The following LCE5A variants were observed in gnomAD, a reference collection of about 807,000 sequenced individuals.
LCE5A encodes late cornified envelope 5A, also known as late cornified envelope protein 5A.
For synonymous variants in LCE5A, 51 were observed against 54.2 expected (o/e 0.94, Z 0.26); for missense variants, 139 against 147.2 (o/e 0.94, Z 0.29).
Position 152,512,150 on chromosome 1 carries a change from CT to C in LCE5A, c.*260del. The C allele has an allele frequency of 2.0e-6, 1 of 496,878 alleles. No homozygotes were observed. Among genetic ancestry groups the C allele is most frequent in the Admixed American group, 3.8e-5 (1 of 26,656 alleles). The allele number at this position is 496,878 out of a possible 1,614,324, so 30.8% of individuals were successfully genotyped here. On this transcript the variant is annotated 3_prime_UTR_variant, in exon 2 of 2. Coordinates refer to ENST00000334269, the MANE Select transcript of LCE5A (RefSeq NM_178438.5). The stretch of plus-strand genomic sequence containing the variant: ...TAATTCAGTTATGAAGCTATTTTCT[CT>C]GTAACAATAAAGCTTTTTATTCCTG...
Position 152,511,595 on chromosome 1 carries a change from C to A in LCE5A, c.61C>A (p.Pro21Thr). Residue 21 changes from proline (P) to threonine (T), a missense_variant, in exon 2 of 2, where the codon CCT becomes ACT. Coordinates refer to ENST00000334269, the MANE Select transcript of LCE5A (RefSeq NM_178438.5). ...TCCTCCCAAATGTACCCCTAAATGC[C>A]CTCCCAAGTGTACTCCTAAGTGTCC... ...QPPPKCTPKC[P>T]PKCTPKCPPK... The A allele has an allele frequency of 1.2e-6, 2 of 1,614,096 alleles. No individual in the cohort carries two copies. Among genetic ancestry groups the A allele is most frequent in the Non-Finnish European group, 1.7e-6 (2 of 1,180,022 alleles).
Position 152,511,754 on chromosome 1 carries a change from C to A in LCE5A, c.220C>A (p.Pro74Thr). ...GGGCCLSHHR[P>T]RQSLRRRPQS... ...TGGCTGCTGCCTGAGCCACCACAGG[C>A]CCCGCCAGTCCCTCCGACGCCGACC... Residue 74 changes from proline to threonine, a missense_variant, in exon 2 of 2, where the codon CCC (proline) becomes ACC (threonine). By Grantham distance (38) the Pro-to-Thr change is conservative. Transcript: ENST00000334269. 6.2e-7 allele frequency: 1 copy of A among 1,613,850 alleles called. No homozygotes were observed.
Position 152,511,715 on chromosome 1 carries a change from A to G in LCE5A, c.181A>G (p.Ser61Gly). Reference protein sequence around the residue: ...CCGSSSGGCCSSEGGGCCLSH... With the variant: ...CCGSSSGGCCGSEGGGCCLSH... Reference sequence around the variant, plus strand: ...TGGTTCCAGCTCTGGGGGCTGCTGCAGCTCTGAGGGTGGTGGCTGCTGCCT... The same window carrying G: ...TGGTTCCAGCTCTGGGGGCTGCTGCGGCTCTGAGGGTGGTGGCTGCTGCCT... Residue 61 changes from serine (S) to glycine (G), a missense_variant, in exon 2 of 2, where the codon AGC becomes GGC. Coordinates refer to ENST00000334269, the MANE Select transcript of LCE5A (RefSeq NM_178438.5). 1 of 1,613,748 alleles carries G rather than the reference A, an allele frequency of 6.2e-7. No homozygotes were observed. The highest frequency in any genetic ancestry group is 8.5e-7 in the Non-Finnish European group (1 of 1,179,930).
Position 152,512,011 on chromosome 1 carries a change from T to C in LCE5A, c.*120T>C. ...GGAAGGACTTCGGAAATGCCTTAAG[T>C]TCCCCTCTTTATCCTGCCCATGTTC... On this transcript the variant is annotated 3_prime_UTR_variant, in exon 2 of 2. Coordinates refer to ENST00000334269, the MANE Select transcript of LCE5A (RefSeq NM_178438.5). 1.2e-6 allele frequency: 1 copy of C among 857,110 alleles called. No homozygotes were observed. Among genetic ancestry groups the C allele is most frequent in the East Asian group, 2.7e-5 (1 of 37,606 alleles). 53.1% of individuals were successfully genotyped at this position (857,110 alleles called of 1,614,324 possible). A position where few individuals can be genotyped will look rare whatever the true frequency, so the allele number is the denominator to read the frequency against.
rs749275011 is a variant in LCE5A at position 152,511,923 on chromosome 1, C to T, written c.*32C>T. The T allele has an allele frequency of 2.6e-6, 4 of 1,561,608 alleles. No individual in the cohort carries two copies. In the South Asian group the frequency reaches 4.7e-5, roughly 18 times the overall value. On this transcript the variant is annotated 3_prime_UTR_variant, in exon 2 of 2. Transcript: ENST00000334269. ...CCATGAGGAGCACGGAGGAGAAGGA[C>T]TGGCAGATCCCAGGTGCTGAAGATG... is the stretch of plus-strand genomic sequence containing the variant.
At position 152,511,287 on chromosome 1, in the gene LCE5A, G is replaced by A. The variant is rs1336570190; in HGVS notation, c.-21-227G>A. ...ACAAAAATTAGCTGGGTGTGGTGGT[G>A]CACACCTGTCTGAGGCAGGAGAATC... On this transcript the variant is annotated intron_variant, in intron 1 of 1. Transcript: ENST00000334269. 2.6e-5 allele frequency among the ~76,000 whole-genome samples: 4 copies of A among 152,072 alleles called. No individual in the cohort carries two copies. The East Asian group carries it at 7.8e-4, about 30-fold the overall frequency.
At chr1:152,511,398 AAAT>A (rs1217687725) in intron 1 of LCE5A, 113 bp from the exon 2 acceptor site, 24 of 739,870 alleles carry the variant, frequency 3.2e-5, no homozygotes, top group East Asian at 5.4e-5. Context: ...ACTCCATCCC[AAAT>A]AATAATAATA....
Position 152,511,547 on chromosome 1 carries a change from C to G in LCE5A, c.13C>G (p.Gln5Glu). 6.2e-7 allele frequency: 1 copy of G among 1,614,076 alleles called. No homozygotes were observed. Among genetic ancestry groups the G allele is most frequent in the Non-Finnish European group, 8.5e-7 (1 of 1,179,942 alleles). ...AGCTTCTACAGAGATGTCCTGCCAG[C>G]AGAGCCAGCAGCAGTGCCAGCCTCC... MSCQ[Q>E]SQQQCQPPPK... Residue 5 changes from glutamine to glutamate, a missense_variant, in exon 2 of 2, where the codon CAG becomes GAG. By Grantham distance (29) the Gln-to-Glu change is conservative. Coordinates refer to ENST00000334269, the MANE Select transcript of LCE5A (RefSeq NM_178438.5).
intron 1 of LCE5A, among the ~76,000 whole-genome samples, 195 bp downstream of exon 1, chr1:152,511,193 G>A (rs533024711): frequency 1.2e-4 from 19 of 152,254 alleles, no homozygotes; most frequent in African/African-American, 4.3e-4. Context: ...GGGAGGCTGA[G>A]GTGGGCGGGT....
At position 152,512,008 on chromosome 1, in the gene LCE5A, A is replaced by C. The variant is rs554435162; in HGVS notation, c.*117A>C. ...CATGGAAGGACTTCGGAAATGCCTT[A>C]AGTTCCCCTCTTTATCCTGCCCATG... On this transcript the variant is annotated 3_prime_UTR_variant, in exon 2 of 2. Coordinates refer to ENST00000334269, the MANE Select transcript of LCE5A (RefSeq NM_178438.5). 27 of 907,256 alleles carry C rather than the reference A, an allele frequency of 3.0e-5. No homozygotes were observed. The highest frequency in any genetic ancestry group is 4.0e-5 in the Non-Finnish European group (24 of 602,266). The allele number at this position is 907,256 out of a possible 1,614,324, so 56.2% of individuals were successfully genotyped here.
In LCE5A at chr1:152,511,889, T is replaced by C; in HGVS notation, c.355T>C (p.Ter119ArgextTer4). The part of the protein sequence containing the change: ...GCCHSSGGCC[*>R] ...CTGCCACAGCTCTGGAGGCTGCTGC[T>C]GACCTGGGCCATGAGGAGCACGGAG... Residue 119 changes from the stop codon to arginine, a stop_lost, in exon 2 of 2, where the codon TGA becomes CGA. Transcript: ENST00000334269. 6.2e-7 allele frequency: 1 copy of C among 1,609,846 alleles called. No homozygotes were observed.
rs1286342293 is a variant in LCE5A, at chr1:152,511,924, T to G, written c.*33T>G. 6.4e-7 allele frequency: 1 copy of G among 1,562,340 alleles called. No individual in the cohort carries two copies. ...CATGAGGAGCACGGAGGAGAAGGAC[T>G]GGCAGATCCCAGGTGCTGAAGATGT... On this transcript the variant is annotated 3_prime_UTR_variant, in exon 2 of 2. Transcript: ENST00000334269.
rs191691629 is a variant in LCE5A at position 152,512,114 on chromosome 1, A to C, written c.*223A>C. ...CCTCTCAGACATAGCTCTTTGGAGA[A>C]CTAGGTGTTGTAATTCAGTTATGAA... On this transcript the variant is annotated 3_prime_UTR_variant, in exon 2 of 2. Coordinates refer to ENST00000334269, the MANE Select transcript of LCE5A (RefSeq NM_178438.5). The C allele has an allele frequency of 8.9e-4, 492 of 555,612 alleles. 9 individuals are homozygous for C. The East Asian group carries it at 9.6e-3, about 11-fold the overall frequency. 34.4% of individuals were successfully genotyped at this position (555,612 alleles called of 1,614,324 possible).
Position 152,511,880 on chromosome 1 carries a change from G to A in LCE5A, c.346G>A (p.Gly116Ser), listed in dbSNP as rs757813732. 6.2e-7 allele frequency: 1 copy of A among 1,611,768 alleles called. No individual in the cohort carries two copies. Among genetic ancestry groups the A allele is most frequent in the African/African-American group, 1.3e-5 (1 of 75,012 alleles). Residue 116 changes from glycine (G) to serine (S), a missense_variant, in exon 2 of 2, where the codon GGC becomes AGC. Physicochemically the swap from Gly to Ser is moderately conservative, Grantham distance 56 (BLOSUM62 0). Transcript: ENST00000334269. ...GGSGCCHSSG[G>S]CC ...CTCTGGCTGCTGCCACAGCTCTGGA[G>A]GCTGCTGCTGACCTGGGCCATGAGG...
chr1:152,512,035 T>A lies in LCE5A; in HGVS notation c.*144T>A. On this transcript the variant is annotated 3_prime_UTR_variant, in exon 2 of 2. Coordinates refer to ENST00000334269, the MANE Select transcript of LCE5A (RefSeq NM_178438.5). ...GTTCCCCTCTTTATCCTGCCCATGT[T>A]CACTCCATTGTAGGGTTGAAGTCTA... 1 of 723,962 alleles carries A rather than the reference T, an allele frequency of 1.4e-6. No homozygotes were observed. Among genetic ancestry groups the A allele is most frequent in the Non-Finnish European group, 2.3e-6 (1 of 437,364 alleles). 44.8% of individuals were successfully genotyped at this position (723,962 alleles called of 1,614,324 possible).
chr1:152,511,905 G>C lies in LCE5A; in HGVS notation c.*14G>C. 6.3e-7 allele frequency: 1 copy of C among 1,592,104 alleles called. No homozygotes were observed. Among genetic ancestry groups the C allele is most frequent in the South Asian group, 1.1e-5 (1 of 88,686 alleles). On this transcript the variant is annotated 3_prime_UTR_variant, in exon 2 of 2. Coordinates refer to ENST00000334269, the MANE Select transcript of LCE5A (RefSeq NM_178438.5). The stretch of plus-strand genomic sequence containing the variant: ...GGCTGCTGCTGACCTGGGCCATGAG[G>C]AGCACGGAGGAGAAGGACTGGCAGA...
chr1:152,511,864 C>A lies in LCE5A; in HGVS notation c.330C>A (p.Cys110Ter). 6.2e-7 allele frequency: 1 copy of A among 1,613,172 alleles called. No homozygotes were observed. Among genetic ancestry groups the A allele is most frequent in the Non-Finnish European group, 8.5e-7 (1 of 1,179,568 alleles). ...GCCACAGCTCTGGGGGCTCTGGCTGCTGCCACAGCTCTGGAGGCTGCTGCT... is the reference window on the plus strand; with the variant it reads ...GCCACAGCTCTGGGGGCTCTGGCTGATGCCACAGCTCTGGAGGCTGCTGCT... ...SCCHSSGGSGCCHSSGGCC is the reference protein window; with the variant it reads ...SCCHSSGGSG Residue 110 changes from cysteine to a stop codon, truncating the protein, a stop_gained, in exon 2 of 2, where the codon TGC (cysteine) becomes TGA (stop). Coordinates refer to ENST00000334269, the MANE Select transcript of LCE5A (RefSeq NM_178438.5). LOFTEE classifies it high-confidence loss of function.
chr1:152,511,197 G>A (rs1035135132), intron 1 of LCE5A, among the ~76,000 whole-genome samples, 199 bp downstream of exon 1: 1 of 152,068 alleles, frequency 6.6e-6, no homozygotes, highest in Non-Finnish European at 1.5e-5. Flanking sequence ...GGCTGAGGTG[G>A]GCGGGTCAAG....
In LCE5A at chr1:152,511,414, C is replaced by A. The variant is rs546981311; in HGVS notation, c.-21-100C>A. On this transcript the variant is annotated intron_variant, in intron 1 of 1. Transcript: ENST00000334269. ...CTCCATCCCAAATAATAATAATAAT[C>A]ATAATAATAAATTCTGGTCATCTTA... The A allele has an allele frequency of 1.7e-5, 13 of 779,746 alleles. No homozygotes were observed. In the Admixed American group the frequency reaches 1.7e-4, roughly 10 times the overall value. 48.3% of individuals were successfully genotyped at this position (779,746 alleles called of 1,614,324 possible).
Sources: gnomAD v4.1 joint callset for allele counts (sites outside exome capture counted in the v4.1 genomes callset) on GRCh38, gnomAD v4.1.1 for gene constraint, MANE v1.5 for transcripts, NCBI Gene and HGNC (gene_info 2026-07-23, HGNC 2026-07-21) for gene names.